Variants in MATN3 observed in about 807,000 individuals in gnomAD.
The protein encoded by MATN3 is matrilin-3.
Under a neutral mutation model 45.3 loss-of-function variants are expected in MATN3, and 48 were observed. The observed-to-expected ratio is 1.06, with a 90% CI of 0.84 to 1.35. The LOEUF (loss-of-function observed/expected upper bound fraction) is 1.35. Ranked by LOEUF, MATN3 falls within the 40% of genes most tolerant of loss-of-function variation. The probability of loss-of-function intolerance (pLI) is 0.00; values close to 1 mark genes in which losing one functional copy is unlikely to be tolerated. For missense variants in MATN3, 599 were observed against 628.0 expected, an observed-to-expected ratio of 0.95 and a Z score of 0.49; for synonymous variants, 217 against 245.9, an observed-to-expected ratio of 0.88 and a Z score of 1.10.
chr2:20,006,829 G>A (rs578034745), intron 1 of MATN3, among the ~76,000 whole-genome samples: 1 of 152,254 alleles, frequency 6.6e-6, no homozygotes, highest in Non-Finnish European at 1.5e-5. Flanking sequence ...CACTTCCAAG[G>A]GGCTGAAAAC....
Position 20,012,599 on chromosome 2 carries a change from C to G in MATN3, c.33G>C (p.Pro11=). 1.6e-6 allele frequency: 2 copies of G among 1,222,014 alleles called. No homozygotes were observed. The highest frequency in any genetic ancestry group is 2.0e-6 in the Non-Finnish European group (2 of 982,232). 75.7% of individuals were successfully genotyped at this position (1,222,014 alleles called of 1,614,324 possible). A position where few individuals can be genotyped will look rare whatever the true frequency, so the allele number is the denominator to read the frequency against. ...GCGGCCAGAGCAGCAGGAGGAGTCC[C>G]GGGAGGCGGCGCGCGGGGGCCGGGC... MPRPAPARRL[P]GLLLLLWPLL... Residue 11 remains proline, a synonymous_variant, in exon 1 of 8, where the codon CCG becomes CCC. Coordinates refer to ENST00000407540, the MANE Select transcript of MATN3 (RefSeq NM_002381.5). The surrounding 1 kb of genome is among the most constrained non-coding windows in gnomAD (Gnocchi z 4.3).
At chr2:20,007,216 A>G (rs991908797) in intron 1 of MATN3, among the ~76,000 whole-genome samples, 2 of 150,480 alleles carry the variant, frequency 1.3e-5, no homozygotes, top group African/African-American at 4.9e-5. Context: ...TCAAAAAACA[A>G]AACAAAAAAA....
chr2:20,001,901 G>A (rs1000682592), intron 4 of MATN3, 54 bp downstream of exon 4: 60 of 1,568,652 alleles, frequency 3.8e-5, no homozygotes, highest in African/African-American at 8.2e-5. Context: ...TTCCATCACC[G>A]GGTAGGTAGG....
In MATN3 at chr2:19,993,008, C is replaced by G; in HGVS notation, c.*103G>C. The stretch of plus-strand genomic sequence containing the variant: ...ATTCAAGCATTAATACAGATAATGG[C>G]AAATTATTAGCAGGAACATTGGCAA... On this transcript the variant is annotated 3_prime_UTR_variant, in exon 8 of 8. Coordinates refer to ENST00000407540, the MANE Select transcript of MATN3 (RefSeq NM_002381.5). 3.3e-6 allele frequency: 3 copies of G among 903,540 alleles called. No individual in the cohort carries two copies. In the South Asian group the frequency reaches 4.2e-5, roughly 13 times the overall value. The allele number at this position is 903,540 out of a possible 1,614,324, so 56.0% of individuals were successfully genotyped here. A position where few individuals can be genotyped will look rare whatever the true frequency, so the allele number is the denominator to read the frequency against.
rs79963836 is a variant in MATN3, at chr2:20,008,492, G to A, written c.224-2182C>T. ...TAGAAAAAAATTAAAGCCTTACCTG[G>A]AACAGCCTACCTTATGTCTCTGTCT... is the stretch of plus-strand genomic sequence containing the variant. On this transcript the variant is annotated intron_variant, in intron 1 of 7. Coordinates refer to ENST00000407540, the MANE Select transcript of MATN3 (RefSeq NM_002381.5). 8.8e-3 allele frequency among the ~76,000 whole-genome samples: 1,338 copies of A among 152,224 alleles called. 17 individuals are homozygous for A. Among genetic ancestry groups the A allele is most frequent in the African/African-American group, 0.031 (1,288 of 41,520 alleles).
chr2:20,009,951 G>A (rs970744593), intron 1 of MATN3, among the ~76,000 whole-genome samples: 4 of 149,994 alleles, frequency 2.7e-5, no homozygotes, highest in African/African-American at 9.8e-5. Flanking sequence ...TCCTTAAATT[G>A]TATAAAAACA....
intron 4 of MATN3, among the ~76,000 whole-genome samples, chr2:20,000,876 G>A (rs763195754): frequency 1.3e-5 from 2 of 152,070 alleles, no homozygotes; most frequent in African/African-American, 4.8e-5. Flanking sequence ...CCAACTCAGC[G>A]GGATACCAAC....
Position 19,994,425 on chromosome 2 carries a change from G to A in MATN3, c.1295-16C>T, listed in dbSNP as rs143711983. 160 of 1,422,272 alleles carry A rather than the reference G, an allele frequency of 1.1e-4. No homozygotes were observed. In the African/African-American group the frequency reaches 2.0e-3, roughly 18 times the overall value. The allele number at this position is 1,422,272 out of a possible 1,614,324, so 88.1% of individuals were successfully genotyped here. On this transcript the variant is annotated splice_polypyrimidine_tract_variant and intron_variant, in intron 6 of 7. Coordinates refer to ENST00000407540, the MANE Select transcript of MATN3 (RefSeq NM_002381.5). Reference sequence around the variant, plus strand: ...TCCTCAGTGGCTGAAGACAATGACAGTACACAAATATACTATCTAGGAATA... The same window carrying A: ...TCCTCAGTGGCTGAAGACAATGACAATACACAAATATACTATCTAGGAATA...
intron 7 of MATN3, among the ~76,000 whole-genome samples, chr2:19,994,078 G>A (rs1672811572): frequency 6.6e-6 from 1 of 152,162 alleles, no homozygotes; most frequent in South Asian, 2.1e-4. Context: ...AGCACTAGGG[G>A]ACAAAATAGG....
At chr2:19,994,541 G>A (rs1326986703) in intron 6 of MATN3, 132 bp from the exon 7 acceptor site, 1 of 601,700 alleles carries the variant, frequency 1.7e-6, no homozygotes, top group Non-Finnish European at 2.9e-6. Flanking sequence ...AGAGGTAAAG[G>A]GATAGATGAA....
In MATN3 at chr2:20,012,482, G is replaced by A. The variant is rs1422262650; in HGVS notation, c.150C>T (p.Arg50=). The change falls in exon 1 of 8, where the codon CGC becomes CGT. Residue 50 remains arginine (R), a synonymous_variant. Transcript: ENST00000407540. This position sits in a 1 kb window ranked among gnomAD's most constrained non-coding sequence, Gnocchi z 4.3. ...CGTCGGGAGCCGCAGGAGAGGGGCG[G>A]CGTCCAGGGCTGCCCCCGGGACCTC... ...ETRGPGGSPG[R]RPSPAAPDGA... The A allele has an allele frequency of 5.0e-5, 62 of 1,228,606 alleles. No individual in the cohort carries two copies. The East Asian group carries it at 2.0e-3, about 39-fold the overall frequency. The allele number at this position is 1,228,606 out of a possible 1,614,324, so 76.1% of individuals were successfully genotyped here.
intron 3 of MATN3, 57 bp from the exon 4 acceptor site, chr2:20,002,137 T>G: frequency 6.8e-7 from 1 of 1,477,640 alleles, no homozygotes; most frequent in South Asian, 1.2e-5. Flanking sequence ...CAGAAATAAT[T>G]GTGGGCCACG....
Position 20,003,304 on chromosome 2 carries a change from CA to C in MATN3, c.791-19del. 1 of 1,600,610 alleles carries C rather than the reference CA, an allele frequency of 6.2e-7. No individual in the cohort carries two copies. The highest frequency in any genetic ancestry group is 8.5e-7 in the Non-Finnish European group (1 of 1,170,800). ...GTCCAGCGCTGTGAGAGGAAGTTTA[CA>C]ACAGTCAGCACTGACACTTAGGAAA... is the stretch of plus-strand genomic sequence containing the variant. On this transcript the variant is annotated intron_variant, in intron 2 of 7. Transcript: ENST00000407540.
chr2:19,998,632 CTGTAG>C (rs961106116), intron 5 of MATN3, among the ~76,000 whole-genome samples: 12 of 151,984 alleles, frequency 7.9e-5, no homozygotes, highest in Non-Finnish European at 1.8e-4. Context: ...TGGCATGTGC[CTGTAG>C]TCCTAGCTAC....
In MATN3 at chr2:20,012,609, C is replaced by T. The variant is rs1361082738; in HGVS notation, c.23G>A (p.Arg8His). Reference protein sequence around the residue: MPRPAPARRLPGLLLLLW... With the variant: MPRPAPAHRLPGLLLLLW... ...CAGCAGGAGGAGTCCCGGGAGGCGG[C>T]GCGCGGGGGCCGGGCGCGGCATGGT... The change falls in exon 1 of 8, where the codon CGC becomes CAC. Residue 8 changes from arginine (R) to histidine (H), a missense_variant. Arg to His is a conservative substitution (Grantham distance 29). Transcript: ENST00000407540. This position sits in a 1 kb window ranked among gnomAD's most constrained non-coding sequence, Gnocchi z 4.3. 9.8e-6 allele frequency: 12 copies of T among 1,219,674 alleles called. No homozygotes were observed. Among genetic ancestry groups the T allele is most frequent in the African/African-American group, 1.6e-5 (1 of 63,676 alleles). The allele number at this position is 1,219,674 out of a possible 1,614,324, so 75.6% of individuals were successfully genotyped here.
At chr2:20,004,255 G>C (rs1373342409) in intron 2 of MATN3, 1 of 152,182 alleles carries the variant, frequency 6.6e-6, no homozygotes, top group Non-Finnish European at 1.5e-5. Context: ...TTTTCCCCCA[G>C]AACAAGCAGG....
chr2:20,002,161 TACACACAC>T (rs35083474), intron 3 of MATN3, 81 bp from the exon 4 acceptor site: 36 of 647,570 alleles, frequency 5.6e-5, no homozygotes, highest in Non-Finnish European at 6.2e-5. Flanking sequence ...CTTACAGTTA[TACACACAC>T]ACACACACAC....
chr2:19,999,617 G>T (rs1672945429), intron 5 of MATN3, among the ~76,000 whole-genome samples: 4 of 125,632 alleles, frequency 3.2e-5, no homozygotes, highest in South Asian at 2.8e-4. Flanking sequence ...TTTTTTACTG[G>T]TTTCCCTTTA....
chr2:20,001,544 T>G (rs1401772182), intron 4 of MATN3, among the ~76,000 whole-genome samples: 1 of 152,176 alleles, frequency 6.6e-6, no homozygotes, highest in Non-Finnish European at 1.5e-5. Context: ...GCATGTCAGG[T>G]CATACATGAT....
Sources: allele counts gnomAD v4.1 joint callset (sites outside exome capture counted in the v4.1 genomes callset), GRCh38; gene constraint gnomAD v4.1.1; non-coding constraint Gnocchi (gnomAD v3.1); transcripts MANE v1.5; gene names NCBI Gene and HGNC (gene_info 2026-07-23, HGNC 2026-07-21).